Variants in PLG observed in about 807,000 individuals in gnomAD.
PLG encodes the protein plasmin.
Under a neutral mutation model 104.4 loss-of-function variants are expected in PLG, and 41 were observed. The observed-to-expected ratio is 0.39, with a 90% CI of 0.31 to 0.51. PLG has a LOEUF of 0.51. Ranked by LOEUF, PLG falls within the 20% of genes least tolerant of loss-of-function variation. PLG has a pLI of 0.76. For synonymous variants in PLG, 337 were observed against 357.1 expected, an observed-to-expected ratio of 0.94 and a Z score of 0.63; for missense variants, 891 against 1,003.6, an observed-to-expected ratio of 0.89 and a Z score of 1.52.
Position 160,722,510 on chromosome 6 carries a change from C to T in PLG, c.1199C>T (p.Ser400Phe), listed in dbSNP as rs1777850906. The change falls in exon 10 of 19, where the codon TCT becomes TTT. Residue 400 changes from serine to phenylalanine, a missense_variant. Physicochemically the swap from Ser to Phe is radical, Grantham distance 155 (BLOSUM62 -2). Transcript: ENST00000308192. ...STTTTGKKCQ[S>F]WSSMTPHRHQ... is the part of the protein sequence containing the mutation. ...ACCACCACAGGAAAGAAGTGTCAGT[C>T]TTGGTCATCTATGACACCACACCGG... is the stretch of plus-strand genomic sequence containing the variant. 1.9e-6 allele frequency: 3 copies of T among 1,613,746 alleles called. No homozygotes were observed. The highest frequency in any genetic ancestry group is 2.5e-6 in the Non-Finnish European group (3 of 1,179,680).
In PLG at chr6:160,734,869, T is replaced by TTGC. The variant is rs1778060602; in HGVS notation, c.1681+783_1681+785dup. Among the ~76,000 whole-genome samples, 1 of 152,122 alleles carries TTGC rather than the reference T, an allele frequency of 6.6e-6. No individual in the cohort carries two copies. The highest frequency in any genetic ancestry group is 1.5e-5 in the Non-Finnish European group (1 of 68,026). ...TGGACTTCTCCTATGCATAATTTGG[T>TTGC]TGCTTGTGGTTGGGTCTGCCATGTG... is the stretch of plus-strand genomic sequence containing the variant. On this transcript the variant is annotated intron_variant, in intron 13 of 18. Transcript: ENST00000308192. The surrounding 1 kb of genome is among the most constrained non-coding windows in gnomAD (Gnocchi z 4.4).
intron 17 of PLG, among the ~76,000 whole-genome samples, chr6:160,746,319 A>T (rs1361535311): frequency 6.6e-6 from 1 of 152,020 alleles, no homozygotes; most frequent in Non-Finnish European, 1.5e-5. Context: ...GGCTTTGTTC[A>T]TTCCTTTTCA....
chr6:160,707,505 A>T (rs1777551206), intron 2 of PLG, among the ~76,000 whole-genome samples, 195 bp from the exon 3 acceptor site: 1 of 152,052 alleles, frequency 6.6e-6, no homozygotes, highest in Non-Finnish European at 1.5e-5. Context: ...GGCAGATAAG[A>T]TTTGCTGCCA....
chr6:160,713,202 C>T lies in PLG; in HGVS notation c.547+77C>T, dbSNP rs529618560. On this transcript the variant is annotated intron_variant, in intron 5 of 18. Coordinates refer to ENST00000308192, the MANE Select transcript of PLG (RefSeq NM_000301.5). ...TAATTTGTTGTAAAGCCCCTTCCCACAGGGATGTTATTAATAATTGAGTAA... is the reference window on the plus strand; with the variant it reads ...TAATTTGTTGTAAAGCCCCTTCCCATAGGGATGTTATTAATAATTGAGTAA... 3 of 1,098,284 alleles carry T rather than the reference C, an allele frequency of 2.7e-6. No homozygotes were observed. The East Asian group carries it at 7.1e-5, about 26-fold the overall frequency. The allele number at this position is 1,098,284 out of a possible 1,614,324, so 68.0% of individuals were successfully genotyped here.
chr6:160,739,405 G>A lies in PLG; in HGVS notation c.2018+197G>A, dbSNP rs1418295711. Among the ~76,000 whole-genome samples the A allele has an allele frequency of 6.6e-6, 1 of 152,060 alleles. No homozygotes were observed. Among genetic ancestry groups the A allele is most frequent in the Non-Finnish European group, 1.5e-5 (1 of 68,026 alleles). On this transcript the variant is annotated intron_variant, in intron 16 of 18. Coordinates refer to ENST00000308192, the MANE Select transcript of PLG (RefSeq NM_000301.5). This position sits in a 1 kb window ranked among gnomAD's most constrained non-coding sequence, Gnocchi z 4.4. ...AGCTGTGCTCTTGAGAAAGGCAGCAGGACTCCGTTTTCTCATGTGGAAAAA... is the reference window on the plus strand; with the variant it reads ...AGCTGTGCTCTTGAGAAAGGCAGCAAGACTCCGTTTTCTCATGTGGAAAAA...
chr6:160,741,525 G>A lies in PLG; in HGVS notation c.2125+108G>A. ...GTGCAAATTCCTATCCATGAATGTGGTCCACCCCACTCCTGATTTTGCCTG... is the reference window on the plus strand; with the variant it reads ...GTGCAAATTCCTATCCATGAATGTGATCCACCCCACTCCTGATTTTGCCTG... On this transcript the variant is annotated intron_variant, in intron 17 of 18. Coordinates refer to ENST00000308192, the MANE Select transcript of PLG (RefSeq NM_000301.5). The surrounding 1 kb of genome is among the most constrained non-coding windows in gnomAD (Gnocchi z 4.7). 1.3e-6 allele frequency: 1 copy of A among 790,366 alleles called. No individual in the cohort carries two copies. The highest frequency in any genetic ancestry group is 2.2e-6 in the Non-Finnish European group (1 of 451,418). The allele number at this position is 790,366 out of a possible 1,614,324, so 49.0% of individuals were successfully genotyped here.
intron 2 of PLG, among the ~76,000 whole-genome samples, chr6:160,706,951 T>TAA (rs370504830): frequency 0.25 from 36,031 of 142,172 alleles, 4,689 homozygotes; most frequent in Middle Eastern, 0.46. Context: ...GATATAATGT[T>TAA]AAAAAAAAAA....
chr6:160,753,031 T>C lies in PLG; in HGVS notation c.2403T>C (p.Thr801=). 1 of 1,596,724 alleles carries C rather than the reference T, an allele frequency of 6.3e-7. No homozygotes were observed. The highest frequency in any genetic ancestry group is 2.2e-5 in the East Asian group (1 of 44,722). The change falls in exon 19 of 19, where the codon ACT becomes ACC. Residue 801 remains threonine, a synonymous_variant. Transcript: ENST00000308192. This position sits in a 1 kb window ranked among gnomAD's most constrained non-coding sequence, Gnocchi z 5.4. The part of the protein sequence containing the change: ...GVYVRVSRFV[T]WIEGVMRNN ...ATGTTCGTGTTTCAAGGTTTGTTAC[T>C]TGGATTGAGGGAGTGATGAGAAATA...
chr6:160,702,514 T>C (rs1015100185), intron 1 of PLG, among the ~76,000 whole-genome samples, 161 bp downstream of exon 1: 4 of 152,196 alleles, frequency 2.6e-5, no homozygotes, highest in Non-Finnish European at 4.4e-5. Context: ...AAGAAATAAG[T>C]TTAAGTTTCC....
At chr6:160,715,504 G>A (rs781039981) in intron 6 of PLG, among the ~76,000 whole-genome samples, 1 of 152,182 alleles carries the variant, frequency 6.6e-6, no homozygotes. Context: ...ATAAGAATAA[G>A]CTTCTTGCTC....
chr6:160,713,353 C>A (rs980169925), intron 5 of PLG: 4 of 471,412 alleles, frequency 8.5e-6, no homozygotes, highest in African/African-American at 7.9e-5. Flanking sequence ...TCACCACAAC[C>A]TCCGCCTCCG....
At chr6:160,730,977 A>G in intron 10 of PLG, 74 bp from the exon 11 acceptor site, 2 of 1,463,518 alleles carry the variant, frequency 1.4e-6, no homozygotes, top group Non-Finnish European at 9.6e-7. Flanking sequence ...TTGTTAGAAC[A>G]AAATGTAGAG....
intron 1 of PLG, 77 bp downstream of exon 1, chr6:160,702,430 T>A (rs1407655110): frequency 7.5e-7 from 1 of 1,341,228 alleles, no homozygotes; most frequent in Non-Finnish European, 1.0e-6. Flanking sequence ...GCCATGGCTT[T>A]ATGTGCAATT....
chr6:160,722,791 C>T (rs1249922193), intron 10 of PLG, among the ~76,000 whole-genome samples: 1 of 152,090 alleles, frequency 6.6e-6, no homozygotes, highest in Non-Finnish European at 1.5e-5. Context: ...TGCAGGAGGA[C>T]ATCTGGAGGT....
chr6:160,729,918 T>G (rs748479926), intron 10 of PLG, among the ~76,000 whole-genome samples: 15 of 152,242 alleles, frequency 9.9e-5, no homozygotes, highest in Non-Finnish European at 1.6e-4. Flanking sequence ...GAAATCTGTT[T>G]CAAATGCTCA....
At chr6:160,713,467 C>T (rs534355354) in intron 5 of PLG, 1 of 325,008 alleles carries the variant, frequency 3.1e-6, no homozygotes, top group African/African-American at 2.2e-5. Context: ...CAGGGTTTCT[C>T]CACGTAGGTC....
rs895677155 is a variant in PLG, at chr6:160,738,976, G to T, written c.1878-92G>T. On this transcript the variant is annotated intron_variant, in intron 15 of 18. Coordinates refer to ENST00000308192, the MANE Select transcript of PLG (RefSeq NM_000301.5). The surrounding 1 kb of genome is among the most constrained non-coding windows in gnomAD (Gnocchi z 6.8). The stretch of plus-strand genomic sequence containing the variant: ...GAAGTCACTAATTCTGAGTGGCCAA[G>T]GGTGTCAGGGAGACAGCACCAATTT... 2 of 1,476,292 alleles carry T rather than the reference G, an allele frequency of 1.4e-6. No individual in the cohort carries two copies. Among genetic ancestry groups the T allele is most frequent in the African/African-American group, 2.8e-5 (2 of 71,906 alleles). The allele number at this position is 1,476,292 out of a possible 1,614,324, so 91.4% of individuals were successfully genotyped here. A position where few individuals can be genotyped will look rare whatever the true frequency, so the allele number is the denominator to read the frequency against.
At position 160,741,555 on chromosome 6, in the gene PLG, C is replaced by T; in HGVS notation, c.2125+138C>T. On this transcript the variant is annotated intron_variant, in intron 17 of 18. Coordinates refer to ENST00000308192, the MANE Select transcript of PLG (RefSeq NM_000301.5). The surrounding 1 kb of genome is among the most constrained non-coding windows in gnomAD (Gnocchi z 4.7). The stretch of plus-strand genomic sequence containing the variant: ...CCCCACTCCTGATTTTGCCTGGGCA[C>T]CTGTCTATGTCTTAATCAGTCTTCA... 1 of 703,652 alleles carries T rather than the reference C, an allele frequency of 1.4e-6. No individual in the cohort carries two copies. 43.6% of individuals were successfully genotyped at this position (703,652 alleles called of 1,614,324 possible). A position where few individuals can be genotyped will look rare whatever the true frequency, so the allele number is the denominator to read the frequency against.
At position 160,716,726 on chromosome 6, in the gene PLG, C is replaced by T; in HGVS notation, c.750C>T (p.Pro250=). The T allele has an allele frequency of 6.2e-7, 1 of 1,612,966 alleles. No homozygotes were observed. The highest frequency in any genetic ancestry group is 8.5e-7 in the Non-Finnish European group (1 of 1,178,906). Residue 250 remains proline, a synonymous_variant, in exon 7 of 19, where the codon CCC becomes CCT. Coordinates refer to ENST00000308192, the MANE Select transcript of PLG (RefSeq NM_000301.5). ...ELRPWCFTTD[P]NKRWELCDIP... ...GGCCTTGGTGTTTCACCACCGACCC[C>T]AACAAGCGCTGGGAACTTTGTGACA...
Sources: allele counts gnomAD v4.1 joint callset (sites outside exome capture counted in the v4.1 genomes callset), GRCh38; gene constraint gnomAD v4.1.1; non-coding constraint Gnocchi (gnomAD v3.1); transcripts MANE v1.5; gene names NCBI Gene and HGNC (gene_info 2026-07-23, HGNC 2026-07-21).